The following PUDP variants were observed in gnomAD, a reference collection of about 807,000 sequenced individuals.
PUDP encodes the protein pseudouridine-5'-phosphatase.
PUDP carries 8 observed loss-of-function variants against 9.4 expected under a neutral mutation model. The ratio of observed to expected loss-of-function variants is 0.85; its 90% CI spans 0.50 to 1.53. PUDP has a LOEUF of 1.53. PUDP is among the 40% of genes most tolerant of loss of function. PUDP has a pLI of 0.00. For missense variants in PUDP, 188 were observed against 189.7 expected, an observed-to-expected ratio of 0.99 and a Z score of 0.05; for synonymous variants, 99 against 80.7, an observed-to-expected ratio of 1.23 and a Z score of -1.22.
At chrX:6,769,681 C>T (rs1244783219) in intron 3 of PUDP, among the ~76,000 whole-genome samples, 1 of 112,194 alleles carries the variant, frequency 8.9e-6, no homozygotes, top group Non-Finnish European at 1.9e-5. Flanking sequence ...GAGAAAATTG[C>T]AAAGGTACGT....
In PUDP at chrX:6,906,176, A is replaced by G. The variant is rs371397902; in HGVS notation, c.*247+70957T>C. On this transcript the variant is annotated intron_variant and NMD_transcript_variant, in intron 3 of 3. Transcript: ENST00000655425. ...TCTGGAGATAAGCCAGTTTGGAAAC[A>G]TCTGTTGTTTACTGCTGCTATTGGA... 2.6e-4 allele frequency among the ~76,000 whole-genome samples: 29 copies of G among 112,209 alleles called. 1 individual carries two copies. The East Asian group carries it at 7.0e-3, about 27-fold the overall frequency.
intron 3 of PUDP, among the ~76,000 whole-genome samples, chrX:6,819,802 G>GC (rs747715976): frequency 4.5e-5 from 5 of 111,290 alleles, no homozygotes; most frequent in Non-Finnish European, 9.4e-5. Context: ...GGTGCAGTTT[G>GC]CCCCATGGTG....
intron 3 of PUDP, among the ~76,000 whole-genome samples, chrX:6,971,259 C>T (rs1380701860): frequency 9.0e-6 from 1 of 110,582 alleles, no homozygotes; most frequent in Admixed American, 9.6e-5. Flanking sequence ...GATACCAGTA[C>T]CATGCTGTTT....
At chrX:7,005,866 C>A (rs1245331217) in intron 1 of PUDP, among the ~76,000 whole-genome samples, 1 of 111,384 alleles carries the variant, frequency 9.0e-6, no homozygotes, top group Non-Finnish European at 1.9e-5. Context: ...CCCGGGTAAC[C>A]ACTATTTCAG....
intron 1 of PUDP, among the ~76,000 whole-genome samples, chrX:6,980,703 C>A (rs1929020863): frequency 9.0e-6 from 1 of 110,530 alleles, no homozygotes; most frequent in Non-Finnish European, 1.9e-5. Flanking sequence ...TATGTCTGTA[C>A]TGAACACGTA....
Position 6,931,045 on chromosome X carries a change from C to T in PUDP, c.*247+46088G>A, listed in dbSNP as rs940754046. Among the ~76,000 whole-genome samples, 13 of 111,384 alleles carry T rather than the reference C, an allele frequency of 1.2e-4. No individual in the cohort carries two copies. The East Asian group carries it at 1.4e-3, about 12-fold the overall frequency. ...TTTATTCGGGTGTGTGATGCTTGGC[C>T]GCTGCAGTTATCCTGTGACCTGAAG... On this transcript the variant is annotated intron_variant and NMD_transcript_variant, in intron 3 of 3. Transcript: ENST00000655425.
intron 3 of PUDP, among the ~76,000 whole-genome samples, chrX:7,069,437 G>C (rs1930665077): frequency 1.8e-5 from 2 of 110,792 alleles, no homozygotes; most frequent in African/African-American, 6.6e-5. Context: ...CTGAGAACCA[G>C]GGGCCGGGCA....
chrX:6,712,495 T>C (rs1924545099), intron 1 of PUDP, among the ~76,000 whole-genome samples: 1 of 112,097 alleles, frequency 8.9e-6, no homozygotes, highest in Non-Finnish European at 1.9e-5. Context: ...TGCTTTGGAA[T>C]ATACAAATCA....
chrX:7,058,959 C>G (rs187904546), intron 3 of PUDP, among the ~76,000 whole-genome samples: 1 of 111,123 alleles, frequency 9.0e-6, no homozygotes, highest in Non-Finnish European at 1.9e-5. Flanking sequence ...CCTTGTGCAC[C>G]GCAGAGCTAC....
At chrX:6,724,507 A>G (rs1924716978), upstream of PUDP, among the ~76,000 whole-genome samples, 1 of 107,186 alleles carries the variant, frequency 9.3e-6, no homozygotes, top group South Asian at 4.0e-4. Context: ...TCTCCAAAAA[A>G]AAAAAAAAAA....
At chrX:6,989,877 T>C (rs1237839128) in intron 1 of PUDP, 4 of 111,750 alleles carry the variant, frequency 3.6e-5, no homozygotes, top group African/African-American at 1.3e-4. Flanking sequence ...GGTAGAGCAC[T>C]GACAAAGAGA....
At position 6,709,279 on chromosome X, in the gene PUDP, G is replaced by A. The variant is rs749973826; in HGVS notation, n.129-2813C>T. Among the ~76,000 whole-genome samples, 3 of 111,481 alleles carry A rather than the reference G, an allele frequency of 2.7e-5. No homozygotes were observed. The South Asian group carries it at 1.1e-3, about 43-fold the overall frequency. ...GCTGTTTAATCTTACCTCCCAACACGTGGTGTTATTGTGCCCTGTGCTCTG... is the reference window on the plus strand; with the variant it reads ...GCTGTTTAATCTTACCTCCCAACACATGGTGTTATTGTGCCCTGTGCTCTG... On this transcript the variant is annotated intron_variant and non_coding_transcript_variant, in intron 1 of 2. Transcript: ENST00000438499.
intron 1 of PUDP, among the ~76,000 whole-genome samples, chrX:7,019,488 A>G (rs956228801): frequency 6.2e-5 from 7 of 112,039 alleles, no homozygotes; most frequent in African/African-American, 2.3e-4. Flanking sequence ...GCTTTCTCGG[A>G]GACCATCCTC....
At chrX:6,886,187 T>C (rs1030134732) in intron 3 of PUDP, among the ~76,000 whole-genome samples, 9 of 112,018 alleles carry the variant, frequency 8.0e-5, no homozygotes, top group African/African-American at 2.9e-4. Context: ...CAGAATAAAT[T>C]CCAAGGGTAT....
rs187362249 is a variant in PUDP, at chrX:6,760,638, A to C, written c.*248-54172T>G. Among the ~76,000 whole-genome samples the C allele has an allele frequency of 1.5e-3, 164 of 112,102 alleles. 1 individual carries two copies. The highest frequency in any genetic ancestry group is 2.5e-3 in the Non-Finnish European group (132 of 53,251). On this transcript the variant is annotated intron_variant and NMD_transcript_variant, in intron 3 of 3. Coordinates refer to the PUDP transcript ENST00000655425. Reference sequence around the variant, plus strand: ...GAGCCACACGTCGAAAATCAGTCCCAATTTTCAAAATCTGGTAAGTTTCTT... The same window carrying C: ...GAGCCACACGTCGAAAATCAGTCCCCATTTTCAAAATCTGGTAAGTTTCTT...
chrX:6,760,910 T>C (rs1306396537), intron 3 of PUDP, among the ~76,000 whole-genome samples: 1 of 112,451 alleles, frequency 8.9e-6, no homozygotes, highest in Non-Finnish European at 1.9e-5. Flanking sequence ...GTTTGATTCA[T>C]ATTTTAAGGT....
chrX:6,940,854 T>A (rs759067035), intron 3 of PUDP, among the ~76,000 whole-genome samples: 1 of 112,123 alleles, frequency 8.9e-6, no homozygotes, highest in Non-Finnish European at 1.9e-5. Flanking sequence ...TTTAGAAACA[T>A]GAAAATCTGC....
chrX:6,765,373 A>G (rs1443569086), intron 3 of PUDP, among the ~76,000 whole-genome samples: 2 of 112,091 alleles, frequency 1.8e-5, no homozygotes, highest in Non-Finnish European at 3.8e-5. Flanking sequence ...AATATGTAAA[A>G]CCTGTCTAGA....
At chrX:6,978,196 A>G (rs1928981912) in exon 2 of PUDP, among the ~76,000 whole-genome samples, 1 of 112,080 alleles carries the variant, frequency 8.9e-6, no homozygotes, top group Admixed American at 9.4e-5. Context: ...TTAGTTTTTC[A>G]ACCCAATTCT....
Sources: allele counts gnomAD v4.1 joint callset (sites outside exome capture counted in the v4.1 genomes callset), GRCh38; gene constraint gnomAD v4.1.1; transcripts MANE v1.5; gene names NCBI Gene and HGNC (gene_info 2026-07-23, HGNC 2026-07-21).